The following ZFP91 variants were observed in gnomAD, a reference collection of about 807,000 sequenced individuals.
The protein encoded by ZFP91 is E3 ubiquitin-protein ligase ZFP91.
In ZFP91, 7 loss-of-function variants were observed where a neutral mutation model predicts 63.5. The ratio of observed to expected loss-of-function variants is 0.11; its 90% confidence interval spans 0.06 to 0.21. The LOEUF (loss-of-function observed/expected upper bound fraction) is 0.21. Among genes scored for constraint, ZFP91 ranks in the 10% least tolerant of loss-of-function variants. The probability of loss-of-function intolerance (pLI) is 1.00; values close to 1 mark genes in which losing one functional copy is unlikely to be tolerated. For synonymous variants in ZFP91, 330 were observed against 272.1 expected, an observed-to-expected ratio of 1.21 and a Z score of -2.10; for missense variants, 628 against 736.6, an observed-to-expected ratio of 0.85 and a Z score of 1.71.
At chr11:58,584,108 TG>T (rs1447198786) in intron 1 of ZFP91, among the ~76,000 whole-genome samples, 1 of 152,084 alleles carries the variant, frequency 6.6e-6, no homozygotes, top group East Asian at 1.9e-4. Context: ...TTTGTTGTTT[TG>T]GGGGTTTTTA....
At chr11:58,583,828 C>T (rs933858737) in intron 1 of ZFP91, among the ~76,000 whole-genome samples, 10 of 151,948 alleles carry the variant, frequency 6.6e-5, no homozygotes, top group African/African-American at 2.4e-4. Context: ...TTTTGTATTA[C>T]ACTGTGGCTT....
At chr11:58,582,347 C>T (rs1855132151) in intron 1 of ZFP91, among the ~76,000 whole-genome samples, 1 of 152,144 alleles carries the variant, frequency 6.6e-6, no homozygotes, top group South Asian at 2.1e-4. Context: ...GTATCTTTGA[C>T]TTTGAGTCAT....
intron 2 of ZFP91, among the ~76,000 whole-genome samples, chr11:58,596,040 A>G (rs1855395911): frequency 6.6e-6 from 1 of 152,202 alleles, no homozygotes; most frequent in African/African-American, 2.4e-5. Context: ...CTTTACTAAT[A>G]GCCTGCTGTT....
At position 58,610,850 on chromosome 11, in the gene ZFP91, T is replaced by G. The variant is rs557201388; in HGVS notation, c.618-100T>G. ...ATTAGGATGAAAATGCTAGATGACT[T>G]TATCAGTGTTTGGCTACCTCTTAAA... On this transcript the variant is annotated intron_variant, in intron 4 of 10. Coordinates refer to ENST00000316059, the MANE Select transcript of ZFP91 (RefSeq NM_053023.5). 15 of 978,250 alleles carry G rather than the reference T, an allele frequency of 1.5e-5. No individual in the cohort carries two copies. In the South Asian group the frequency reaches 2.7e-4, roughly 18 times the overall value. The allele number at this position is 978,250 out of a possible 1,614,324, so 60.6% of individuals were successfully genotyped here.
intron 2 of ZFP91, among the ~76,000 whole-genome samples, chr11:58,608,862 C>T (rs913860041): frequency 6.6e-6 from 1 of 152,172 alleles, no homozygotes; most frequent in Non-Finnish European, 1.5e-5. Context: ...CTTGGCCACT[C>T]AAAGTGCTGG....
Position 58,617,921 on chromosome 11 carries a change from A to C in ZFP91, c.*215A>C. ...CCCTTATAAAATTGATGTTGTCTTT[A>C]CCAGAAAGGTAGACAAAAAAGAAGC... On this transcript the variant is annotated 3_prime_UTR_variant, in exon 11 of 11. Coordinates refer to ENST00000316059, the MANE Select transcript of ZFP91 (RefSeq NM_053023.5). This position sits in a 1 kb window ranked among gnomAD's most constrained non-coding sequence, Gnocchi z 4.2. 1.9e-6 allele frequency: 1 copy of C among 531,118 alleles called. No individual in the cohort carries two copies. Among genetic ancestry groups the C allele is most frequent in the East Asian group, 3.7e-5 (1 of 27,252 alleles). 32.9% of individuals were successfully genotyped at this position (531,118 alleles called of 1,614,324 possible). A position where few individuals can be genotyped will look rare whatever the true frequency, so the allele number is the denominator to read the frequency against.
At chr11:58,613,936 C>A (rs1022916982) in intron 8 of ZFP91, among the ~76,000 whole-genome samples, 6 of 152,072 alleles carry the variant, frequency 3.9e-5, no homozygotes, top group Admixed American at 1.3e-4. Flanking sequence ...ATCTCTTATC[C>A]CCATAACAAC....
At chr11:58,582,696 C>G (rs1374098844) in intron 1 of ZFP91, among the ~76,000 whole-genome samples, 8 of 152,132 alleles carry the variant, frequency 5.3e-5, no homozygotes, top group Admixed American at 4.6e-4. Flanking sequence ...GTCACTTAAC[C>G]TCTTCATTTA....
chr11:58,591,519 G>T (rs897825781), intron 2 of ZFP91, among the ~76,000 whole-genome samples: 6 of 152,092 alleles, frequency 3.9e-5, no homozygotes, highest in African/African-American at 1.4e-4. Context: ...TGTATGAATT[G>T]CACACCTATC....
In ZFP91 at chr11:58,619,793, G is replaced by A. The variant is rs886511443; in HGVS notation, c.*2087G>A. 4 of 152,530 alleles carry A rather than the reference G, an allele frequency of 2.6e-5. No individual in the cohort carries two copies. The highest frequency in any genetic ancestry group is 2.9e-5 in the Non-Finnish European group (2 of 68,024). The allele number at this position is 152,530 out of a possible 1,614,324, so 9.4% of individuals were successfully genotyped here. On this transcript the variant is annotated 3_prime_UTR_variant, in exon 11 of 11. Transcript: ENST00000316059. ...TTTCCTGCCAACATGGTTTGGAGTC[G>A]ACTTTGGTATATTGACTAGATTTGA...
intron 9 of ZFP91, among the ~76,000 whole-genome samples, chr11:58,615,648 T>G (rs1247252491): frequency 2.0e-5 from 3 of 152,118 alleles, no homozygotes; most frequent in Non-Finnish European, 4.4e-5. Context: ...GAACTGTGCG[T>G]TTTTAGACCT....
chr11:58,584,491 A>G (rs764502336), intron 1 of ZFP91, among the ~76,000 whole-genome samples: 16 of 152,090 alleles, frequency 1.1e-4, no homozygotes, highest in Non-Finnish European at 1.9e-4. Context: ...TTATATAATC[A>G]CTTAATGTAA....
intron 2 of ZFP91, among the ~76,000 whole-genome samples, chr11:58,600,405 C>T (rs894142437): frequency 1.3e-5 from 2 of 151,894 alleles, no homozygotes; most frequent in African/African-American, 4.8e-5. Flanking sequence ...ATATGTTGGT[C>T]ATATATTCTG....
chr11:58,612,497 AAG>A, intron 7 of ZFP91, 169 bp downstream of exon 7: 2 of 675,438 alleles, frequency 3.0e-6, no homozygotes, highest in Non-Finnish European at 5.0e-6. Context: ...TTTTCATTGT[AAG>A]AGCTTGAAAT....
Position 58,617,768 on chromosome 11 carries a change from A to C in ZFP91, c.*62A>C, listed in dbSNP as rs633713. 2.4e-6 allele frequency: 3 copies of C among 1,264,960 alleles called. No homozygotes were observed. Among genetic ancestry groups the C allele is most frequent in the East Asian group, 2.9e-5 (1 of 34,648 alleles). The allele number at this position is 1,264,960 out of a possible 1,614,324, so 78.4% of individuals were successfully genotyped here. Reference sequence around the variant, plus strand: ...TTTGTATTTAAAAGTTAAAAAGGACAAAAAAAAAATCTAAAGCATTTAAAA... The same window carrying C: ...TTTGTATTTAAAAGTTAAAAAGGACCAAAAAAAAATCTAAAGCATTTAAAA... On this transcript the variant is annotated 3_prime_UTR_variant, in exon 11 of 11. Coordinates refer to ENST00000316059, the MANE Select transcript of ZFP91 (RefSeq NM_053023.5). This position sits in a 1 kb window ranked among gnomAD's most constrained non-coding sequence, Gnocchi z 4.2.
chr11:58,605,550 T>G (rs1855556806), intron 2 of ZFP91, among the ~76,000 whole-genome samples: 1 of 150,420 alleles, frequency 6.6e-6, no homozygotes, highest in Non-Finnish European at 1.5e-5. Context: ...GCTATAGAAT[T>G]CTTGCTTGAC....
Position 58,616,729 on chromosome 11 carries a change from T to C in ZFP91, c.1116T>C (p.Tyr372=). 2 of 1,613,450 alleles carry C rather than the reference T, an allele frequency of 1.2e-6. No homozygotes were observed. The highest frequency in any genetic ancestry group is 1.7e-5 in the Admixed American group (1 of 59,998). The change falls in exon 10 of 11, where the codon TAT becomes TAC. Residue 372 remains tyrosine (Y), a synonymous_variant. Transcript: ENST00000316059. ...HAKHHTDQRD[Y]ICEYCARAFK... ...TTTTCTTCATAGATCAAAGGGATTA[T>C]ATCTGTGAATATTGTGCTCGGGCCT...
At chr11:58,610,470 T>C in intron 4 of ZFP91, 136 bp downstream of exon 4, 1 of 770,392 alleles carries the variant, frequency 1.3e-6, no homozygotes, top group Non-Finnish European at 2.0e-6. Context: ...ATACTGCATT[T>C]AGATTCCATG....
chr11:58,613,151 A>G (rs1056311644), intron 8 of ZFP91, among the ~76,000 whole-genome samples: 4 of 152,134 alleles, frequency 2.6e-5, no homozygotes, highest in African/African-American at 9.7e-5. Context: ...GTGCTGCTAT[A>G]ATAGAGTACC....
Sources: gnomAD v4.1 joint callset for allele counts (sites outside exome capture counted in the v4.1 genomes callset) on GRCh38, gnomAD v4.1.1 for gene constraint, Gnocchi (gnomAD v3.1) non-coding constraint, MANE v1.5 for transcripts, NCBI Gene and HGNC (gene_info 2026-07-23, HGNC 2026-07-21) for gene names.